Variants in OSBPL8 observed in about 807,000 individuals in gnomAD.
The protein encoded by OSBPL8 is oxysterol-binding protein-related protein 8.
OSBPL8 carries 59 observed loss-of-function variants against 125.5 expected under a neutral mutation model. That is an observed-to-expected ratio of 0.47 (90% CI 0.38 to 0.58). The LOEUF (loss-of-function observed/expected upper bound fraction) is 0.58, where lower values mean the gene tolerates loss of function less well. Ranked by LOEUF, OSBPL8 falls within the 20% of genes least tolerant of loss-of-function variation. The pLI, the probability that OSBPL8 is intolerant of heterozygous loss-of-function variation, is 0.00. For missense variants in OSBPL8, 758 were observed against 1,047.8 expected (o/e 0.72, Z 3.82); for synonymous variants, 330 against 338.9 (o/e 0.97, Z 0.29).
At chr12:76,558,715 A>T (rs923156174) in intron 1 of OSBPL8, among the ~76,000 whole-genome samples, 3 of 152,236 alleles carry the variant, frequency 2.0e-5, no homozygotes, top group African/African-American at 7.2e-5. Flanking sequence ...TTGTGAATGG[A>T]AAATCTGCAT....
intron 16 of OSBPL8, among the ~76,000 whole-genome samples, chr12:76,376,475 T>C (rs1173859095): frequency 6.6e-6 from 1 of 152,214 alleles, no homozygotes; most frequent in Non-Finnish European, 1.5e-5. Flanking sequence ...AAACATCTTA[T>C]AAAAATCATT....
chr12:76,369,335 C>A, intron 20 of OSBPL8, 34 bp from the exon 21 acceptor site: 1 of 1,564,432 alleles, frequency 6.4e-7, no homozygotes, highest in South Asian at 1.2e-5. Flanking sequence ...ACCATTTGCT[C>A]AATGACTAAA....
rs1291462449 is a variant in OSBPL8 at position 76,380,651 on chromosome 12, C to CT, written c.1631-2102dup. Among the ~76,000 whole-genome samples, 3 of 149,934 alleles carry CT rather than the reference C, an allele frequency of 2.0e-5. No homozygotes were observed. The East Asian group carries it at 5.8e-4, about 29-fold the overall frequency. On this transcript the variant is annotated intron_variant, in intron 15 of 23. Transcript: ENST00000261183. The stretch of plus-strand genomic sequence containing the variant: ...TAAATTCACTTATTAGTTGTATGAG[C>CT]TTTTTTTGTATATTCTTGAAGATTT...
At chr12:76,413,851 A>G (rs929013773) in intron 4 of OSBPL8, among the ~76,000 whole-genome samples, 2 of 151,884 alleles carry the variant, frequency 1.3e-5, no homozygotes, top group African/African-American at 2.4e-5. Flanking sequence ...TCCTTTGCCA[A>G]ATGTATTTGT....
intron 2 of OSBPL8, among the ~76,000 whole-genome samples, chr12:76,466,442 T>C (rs549918518): frequency 9.9e-4 from 151 of 152,264 alleles, no homozygotes; most frequent in African/African-American, 3.4e-3. Context: ...GCACCACATA[T>C]TACTCACTGT....
intron 1 of OSBPL8, among the ~76,000 whole-genome samples, chr12:76,558,668 G>T (rs1366106006): frequency 6.6e-6 from 1 of 152,164 alleles, no homozygotes; most frequent in Non-Finnish European, 1.5e-5. Context: ...GTTCTGCAAC[G>T]CAGATGTGTC....
intron 1 of OSBPL8, among the ~76,000 whole-genome samples, chr12:76,535,926 G>A (rs1263675066): frequency 1.3e-5 from 2 of 152,126 alleles, no homozygotes; most frequent in Non-Finnish European, 1.5e-5. Context: ...GGGACTGATG[G>A]AAAGTTCTAT....
At chr12:76,523,693 G>A (rs1380125197) in intron 1 of OSBPL8, among the ~76,000 whole-genome samples, 2 of 152,114 alleles carry the variant, frequency 1.3e-5, no homozygotes, top group Non-Finnish European at 2.9e-5. Context: ...TGCAAGCCAG[G>A]AAGACAGCCC....
intron 1 of OSBPL8, among the ~76,000 whole-genome samples, chr12:76,502,457 G>A (rs151201383): frequency 1.5e-4 from 23 of 152,282 alleles, no homozygotes; most frequent in Non-Finnish European, 3.1e-4. Flanking sequence ...AAAGAAGGGG[G>A]TTTACTAGGC....
chr12:76,449,217 A>G (rs1411028157), intron 4 of OSBPL8, among the ~76,000 whole-genome samples: 1 of 152,158 alleles, frequency 6.6e-6, no homozygotes, highest in Non-Finnish European at 1.5e-5. Flanking sequence ...CTTTCAAAAC[A>G]CCAAATTTCA....
intron 2 of OSBPL8, among the ~76,000 whole-genome samples, chr12:76,468,611 G>C (rs1178263341): frequency 6.6e-6 from 1 of 152,160 alleles, no homozygotes; most frequent in Non-Finnish European, 1.5e-5. Context: ...CTCACCTTGA[G>C]AGCTCAAATT....
intron 6 of OSBPL8, 92 bp downstream of exon 6, chr12:76,402,597 A>C (rs567245360): frequency 2.2e-6 from 2 of 894,248 alleles, no homozygotes; most frequent in East Asian, 5.3e-5. Flanking sequence ...TTTCTTTAGG[A>C]ACACACATAT....
At chr12:76,410,775 G>A (rs958610125) in intron 4 of OSBPL8, 141 bp from the exon 5 acceptor site, 5 of 595,164 alleles carry the variant, frequency 8.4e-6, no homozygotes, top group East Asian at 5.5e-5. Context: ...AAGATCTCTA[G>A]AGGGTCATAT....
intron 4 of OSBPL8, among the ~76,000 whole-genome samples, chr12:76,425,077 T>G (rs745553518): frequency 3.3e-5 from 5 of 152,160 alleles, no homozygotes; most frequent in African/African-American, 2.4e-5. Context: ...TCAGATAGGC[T>G]ATTTACGTCA....
intron 19 of OSBPL8, among the ~76,000 whole-genome samples, chr12:76,370,622 T>C (rs1952584404): frequency 6.6e-6 from 1 of 152,210 alleles, no homozygotes; most frequent in Non-Finnish European, 1.5e-5. Context: ...TTATCATATG[T>C]ATGCCTTGGC....
At chr12:76,373,458 A>AT (rs770684712) in intron 17 of OSBPL8, 25 bp from the exon 18 acceptor site, 11 of 1,503,122 alleles carry the variant, frequency 7.3e-6, no homozygotes, top group South Asian at 6.0e-5. Context: ...AATGTTAAAC[A>AT]TTTTACTTTT....
chr12:76,556,658 C>A (rs1169003590), intron 1 of OSBPL8, among the ~76,000 whole-genome samples: 1 of 152,000 alleles, frequency 6.6e-6, no homozygotes, highest in African/African-American at 2.4e-5. Context: ...TTCTCAGAGG[C>A]TTTTTGTTTT....
At chr12:76,356,423 AAAC>A (rs1951988601) in intron 23 of OSBPL8, among the ~76,000 whole-genome samples, 200 bp downstream of exon 23, 1 of 152,208 alleles carries the variant, frequency 6.6e-6, no homozygotes, top group Non-Finnish European at 1.5e-5. Flanking sequence ...TACAGAGAAA[AAAC>A]AACCTCTCCT....
intron 18 of OSBPL8, among the ~76,000 whole-genome samples, chr12:76,372,037 C>A (rs146962728): frequency 6.6e-6 from 1 of 152,172 alleles, no homozygotes; most frequent in African/African-American, 2.4e-5. Flanking sequence ...CTATCTCTAT[C>A]GAATAATCTT....
Sources: gnomAD v4.1 joint callset for allele counts (sites outside exome capture counted in the v4.1 genomes callset) on GRCh38, gnomAD v4.1.1 for gene constraint, MANE v1.5 for transcripts, NCBI Gene and HGNC (gene_info 2026-07-23, HGNC 2026-07-21) for gene names.